ELN: variants seen among roughly 807,000 people sequenced by gnomAD.
The protein encoded by ELN is elastin, also known as tropoelastin.
In ELN, 65 loss-of-function variants were observed where a neutral mutation model predicts 105.8. The observed-to-expected ratio is 0.61, with a 90% confidence interval of 0.50 to 0.75. The LOEUF (loss-of-function observed/expected upper bound fraction) is 0.75. Ranked by LOEUF, ELN falls within the 30% of genes least tolerant of loss-of-function variation. ELN has a pLI of 0.00. For missense variants in ELN, 882 were observed against 969.4 expected (o/e 0.91, Z 1.20); for synonymous variants, 368 against 389.2 (o/e 0.95, Z 0.64).
chr7:74,045,740 C>T (rs1417658010), intron 10 of ELN: 3 of 299,988 alleles, frequency 1.0e-5, no homozygotes, highest in East Asian at 8.5e-5. Flanking sequence ...CCCCGTTCCC[C>T]CGCAAAATAA....
chr7:74,057,770 G>C (rs1242599579), intron 22 of ELN, 74 bp downstream of exon 22: 1 of 1,547,122 alleles, frequency 6.5e-7, no homozygotes, highest in Non-Finnish European at 8.9e-7. Context: ...GGGTCTGACC[G>C]CCCAGCTTCC....
At chr7:74,051,609 C>A in intron 15 of ELN, 141 bp from the exon 16 acceptor site, 1 of 839,106 alleles carries the variant, frequency 1.2e-6, no homozygotes, top group Non-Finnish European at 1.9e-6. Flanking sequence ...GGGGCCTCCC[C>A]AGACAGGCCC....
At chr7:74,048,700 T>C in intron 15 of ELN, 144 bp downstream of exon 15, 1 of 884,640 alleles carries the variant, frequency 1.1e-6, no homozygotes. Flanking sequence ...TATCTATCCC[T>C]CCCTCCAACC....
intron 29 of ELN, among the ~76,000 whole-genome samples, chr7:74,064,922 A>G (rs1410210590): frequency 6.6e-6 from 1 of 152,110 alleles, no homozygotes; most frequent in Non-Finnish European, 1.5e-5. Flanking sequence ...CCACAAGACC[A>G]GACACACAGT....
intron 15 of ELN, among the ~76,000 whole-genome samples, chr7:74,050,778 G>A (rs551423020): frequency 6.6e-6 from 1 of 152,150 alleles, no homozygotes; most frequent in Admixed American, 6.6e-5. Context: ...CAAGAAACGG[G>A]AGGCATTTTT....
intron 30 of ELN, 86 bp downstream of exon 30, chr7:74,065,818 T>TA: frequency 6.2e-7 from 1 of 1,608,844 alleles, no homozygotes; most frequent in South Asian, 1.1e-5. Flanking sequence ...AGCTCAGGCC[T>TA]CCCTCTGGCT....
intron 14 of ELN, 36 bp downstream of exon 14, chr7:74,048,237 G>C (rs1006805676): frequency 1.9e-6 from 3 of 1,613,600 alleles, no homozygotes; most frequent in Non-Finnish European, 2.5e-6. Flanking sequence ...AGCCAAGGGA[G>C]CACTGATCTT....
chr7:74,042,854 GCTGTGCCCAGT>G, intron 6 of ELN, 119 bp from the exon 7 acceptor site: 1 of 1,554,494 alleles, frequency 6.4e-7, no homozygotes, highest in Non-Finnish European at 8.8e-7. Context: ...GAGGCAGCTA[GCTGTGCCCAGT>G]CTGAAGGTGA....
intron 1 of ELN, among the ~76,000 whole-genome samples, chr7:74,031,845 A>AACAG (rs1788734970): frequency 8.0e-6 from 1 of 124,336 alleles, no homozygotes; most frequent in African/African-American, 3.1e-5. Context: ...AGAAAGAAAG[A>AACAG]AAGGAAGGAA....
chr7:74,052,903 AAGAG>A (rs1794410115), intron 17 of ELN: 2 of 541,066 alleles, frequency 3.7e-6, no homozygotes, highest in Non-Finnish European at 6.6e-6. Flanking sequence ...GAAAGAAAGA[AAGAG>A]AAAGGAAGGA....
intron 2 of ELN, 71 bp from the exon 3 acceptor site, chr7:74,036,484 G>T: frequency 3.1e-6 from 5 of 1,603,754 alleles, no homozygotes; most frequent in Non-Finnish European, 4.3e-6. Context: ...TTCAGCCATA[G>T]CTGGGGGTGG....
intron 17 of ELN, chr7:74,052,192 T>A: frequency 1.6e-6 from 1 of 617,270 alleles, no homozygotes; most frequent in Non-Finnish European, 2.8e-6. Flanking sequence ...GAGGGGACCC[T>A]GCAGAGGGGA....
At position 74,063,798 on chromosome 7, in the gene ELN, G is replaced by A. The variant is rs1797270933; in HGVS notation, c.1993+103G>A. 26 of 1,515,650 alleles carry A rather than the reference G, an allele frequency of 1.7e-5. No homozygotes were observed. The highest frequency in any genetic ancestry group is 2.7e-5 in the African/African-American group (2 of 73,046). The allele number at this position is 1,515,650 out of a possible 1,614,324, so 93.9% of individuals were successfully genotyped here. Reference sequence around the variant, plus strand: ...AGACTTTCGTTCCCACCCCTGGCACGTCTTTGCTCAAGATGTCCTCTTGGC... The same window carrying A: ...AGACTTTCGTTCCCACCCCTGGCACATCTTTGCTCAAGATGTCCTCTTGGC... On this transcript the variant is annotated intron_variant, in intron 29 of 32. Transcript: ENST00000252034. The surrounding 1 kb of genome is among the most constrained non-coding windows in gnomAD (Gnocchi z 4.1).
At chr7:74,032,536 G>A (rs1476757896) in intron 1 of ELN, among the ~76,000 whole-genome samples, 7 of 152,314 alleles carry the variant, frequency 4.6e-5, no homozygotes, top group Non-Finnish European at 7.3e-5. Context: ...GGAATCCTTC[G>A]TAGCCCCTAA....
chr7:74,056,508 G>A lies in ELN; in HGVS notation c.1315+73G>A. ...CTTCTTGTCTGCTCGGCTCTGCAGG[G>A]GCAGTGGGGACTGTAGATCGGGCTT... On this transcript the variant is annotated intron_variant, in intron 20 of 32. Transcript: ENST00000252034. 2.5e-6 allele frequency: 4 copies of A among 1,609,182 alleles called. 1 individual carries two copies. The highest frequency in any genetic ancestry group is 2.2e-5 in the South Asian group (2 of 90,980).
chr7:74,058,608 T>C (rs1386787575), intron 22 of ELN, among the ~76,000 whole-genome samples: 1 of 152,202 alleles, frequency 6.6e-6, no homozygotes. Context: ...CTCCTGCCTC[T>C]GCCTCCCAAA....
chr7:74,043,955 A>G (rs782682879), intron 9 of ELN, 35 bp downstream of exon 9: 1 of 1,613,510 alleles, frequency 6.2e-7, no homozygotes, highest in South Asian at 1.1e-5. Context: ...ACTCTATAGG[A>G]AGAAAGCAGC....
chr7:74,051,382 C>T (rs768515369), intron 15 of ELN, among the ~76,000 whole-genome samples: 14 of 152,276 alleles, frequency 9.2e-5, no homozygotes, highest in Non-Finnish European at 1.5e-4. Flanking sequence ...AGCAGCCAGG[C>T]GCTTGGATTA....
Position 74,056,334 on chromosome 7 carries a change from C to A in ELN, c.1214C>A (p.Pro405His), listed in dbSNP as rs1795212822. 6.2e-7 allele frequency: 1 copy of A among 1,613,936 alleles called. No individual in the cohort carries two copies. The highest frequency in any genetic ancestry group is 8.5e-7 in the Non-Finnish European group (1 of 1,180,010). ...TACGGGGTTGGAGCTGGGGGCTTTC[C>A]CGGCTTTGGTGTCGGAGTCGGAGGT... ...PTYGVGAGGF[P>H]GFGVGVGGIP... Residue 405 changes from proline (P) to histidine (H), a missense_variant, in exon 20 of 33, where the codon CCC (proline) becomes CAC (histidine). Physicochemically the swap from Pro to His is moderately conservative, Grantham distance 77. Transcript: ENST00000252034.
Sources: allele counts gnomAD v4.1 joint callset (sites outside exome capture counted in the v4.1 genomes callset), GRCh38; gene constraint gnomAD v4.1.1; non-coding constraint Gnocchi (gnomAD v3.1); transcripts MANE v1.5; gene names NCBI Gene and HGNC (gene_info 2026-07-23, HGNC 2026-07-21).